Variants in DNAH1 observed in about 807,000 individuals in gnomAD.
DNAH1 encodes dynein axonemal heavy chain 1.
In DNAH1, 327 loss-of-function variants were observed where a neutral mutation model predicts 484.3. The ratio of observed to expected loss-of-function variants is 0.68; its 90% CI spans 0.62 to 0.74. The LOEUF is 0.74. DNAH1 is among the 30% of genes least tolerant of loss of function. DNAH1 has a pLI of 0.00. For synonymous variants in DNAH1, 2,192 were observed against 2,191.9 expected (o/e 1.00, Z 0.00); for missense variants, 5,052 against 5,546.8 (o/e 0.91, Z 2.83).
chr3:52,397,145 A>C (rs976794356), intron 73 of DNAH1, 101 bp downstream of exon 73: 1 of 1,081,572 alleles, frequency 9.2e-7, no homozygotes, highest in Non-Finnish European at 1.3e-6. Context: ...TGCAGCCCCC[A>C]CCCTCCATCA....
intron 8 of DNAH1, among the ~76,000 whole-genome samples, chr3:52,338,360 C>T (rs980032764): frequency 1.2e-4 from 18 of 152,198 alleles, no homozygotes; most frequent in African/African-American, 3.6e-4. Context: ...TCACCCACCT[C>T]GGCCACCCGA....
At chr3:52,348,295 G>C (rs906621279) in intron 12 of DNAH1, among the ~76,000 whole-genome samples, 1 of 152,158 alleles carries the variant, frequency 6.6e-6, no homozygotes, top group Non-Finnish European at 1.5e-5. Flanking sequence ...CTAAGTGTTG[G>C]AACTGCGATC....
Position 52,399,729 on chromosome 3 carries a change from A to G in DNAH1, c.12626A>G (p.Gln4209Arg), listed in dbSNP as rs202094249. 512 of 1,614,022 alleles carry G rather than the reference A, an allele frequency of 3.2e-4. 7 individuals carry two copies. The Admixed American group carries it at 8.4e-3, about 26-fold the overall frequency. The change falls in exon 77 of 78, where the codon CAG becomes CGG. Residue 4209 changes from glutamine to arginine, a missense_variant. Gln to Arg is a conservative substitution (Grantham distance 43, BLOSUM62 1). Around this residue, in one of 4 missense-constraint regions of DNAH1, gnomAD observed 853 missense variants for 899.0 expected, o/e 0.95. Transcript: ENST00000420323. ...TTGCCAACACCCAACCGCAAGGCCC[A>G]GGACCAGGACTTTTACCTGTGCCCC... ...WLLPTPNRKA[Q>R]DQDFYLCPIY...
Position 52,366,507 on chromosome 3 carries a change from G to T in DNAH1, c.5569G>T (p.Gly1857Cys). The change falls in exon 35 of 78, where the codon GGC becomes TGC. Residue 1857 changes from glycine to cysteine, a missense_variant. By Grantham distance (159) the Gly-to-Cys change is radical. Around this residue, in one of 4 missense-constraint regions of DNAH1, gnomAD observed 2,929 missense variants for 3,409.4 expected, o/e 0.86. Coordinates refer to ENST00000420323, the MANE Select transcript of DNAH1 (RefSeq NM_015512.5). ...CTACGAGACCACGGTGGTACGACAC[G>T]GCCTCATGCTCGTCGGGCCCACAGG... ...QLYETTVVRH[G>C]LMLVGPTGSG... The T allele has an allele frequency of 6.2e-7, 1 of 1,603,134 alleles. No individual in the cohort carries two copies. The highest frequency in any genetic ancestry group is 1.1e-5 in the South Asian group (1 of 88,730).
In DNAH1 at chr3:52,383,460, G is replaced by C. The variant is rs534846709; in HGVS notation, c.8016G>C (p.Ala2672=). Residue 2672 remains alanine (A), a synonymous_variant, in exon 51 of 78, where the codon GCG becomes GCC. Coordinates refer to ENST00000420323, the MANE Select transcript of DNAH1 (RefSeq NM_015512.5). The part of the protein sequence containing the change: ...NSGDIPNLYT[A]DEQDQIVSTM... ...GTGACATTCCCAATCTGTATACTGC[G>C]GACGAGCAGGACCAGATCGTCAGCA... 6.2e-7 allele frequency: 1 copy of C among 1,613,878 alleles called. No homozygotes were observed. The highest frequency in any genetic ancestry group is 1.3e-5 in the African/African-American group (1 of 74,930).
At chr3:52,329,260 C>T (rs1701456892) in intron 6 of DNAH1, among the ~76,000 whole-genome samples, 1 of 152,094 alleles carries the variant, frequency 6.6e-6, no homozygotes, top group South Asian at 2.1e-4. Flanking sequence ...GAGGGGTGAG[C>T]AGGGAGAGGC....
chr3:52,322,549 A>G lies in DNAH1; in HGVS notation c.107A>G (p.Tyr36Cys). The change falls in exon 2 of 78, where the codon TAT (tyrosine) becomes TGT (cysteine). Residue 36 changes from tyrosine to cysteine, a missense_variant. This residue lies in a region of DNAH1 where 1,263 missense variants were observed against 1,218.8 expected (regional missense o/e 1.04). Transcript: ENST00000420323. ...GTGGGGACCCACAGGGGCCTAGAGT[A>G]TAACCCGGGGAAGATTCTTCCAGGA... ...VQVGTHRGLE[Y>C]NPGKILPGSD... is the part of the protein sequence containing the mutation. 1.9e-6 allele frequency: 3 copies of G among 1,613,898 alleles called. No individual in the cohort carries two copies. Among genetic ancestry groups the G allele is most frequent in the Non-Finnish European group, 2.5e-6 (3 of 1,179,838 alleles).
Position 52,379,994 on chromosome 3 carries a change from C to A in DNAH1, c.7467C>A (p.Phe2489Leu). ...TGAATGAGGAGGACCGCAGCTGGTT[C>A]GACCAGCTCCTCAAGCGCTGCATGG... ...RLVNEEDRSW[F>L]DQLLKRCMEQ... Residue 2489 changes from phenylalanine (F) to leucine (L), a missense_variant, in exon 48 of 78, where the codon TTC becomes TTA. Around this residue, in one of 4 missense-constraint regions of DNAH1, gnomAD observed 2,929 missense variants for 3,409.4 expected, o/e 0.86. Coordinates refer to ENST00000420323, the MANE Select transcript of DNAH1 (RefSeq NM_015512.5). The surrounding 1 kb of genome is among the most constrained non-coding windows in gnomAD (Gnocchi z 4.4). 6.3e-7 allele frequency: 1 copy of A among 1,589,250 alleles called. No individual in the cohort carries two copies. Among genetic ancestry groups the A allele is most frequent in the Non-Finnish European group, 8.6e-7 (1 of 1,168,040 alleles).
chr3:52,344,526 G>A lies in DNAH1; in HGVS notation c.1323G>A (p.Val441=), dbSNP rs753514714. The change falls in exon 9 of 78, where the codon GTG becomes GTA. Residue 441 remains valine, a synonymous_variant. Coordinates refer to ENST00000420323, the MANE Select transcript of DNAH1 (RefSeq NM_015512.5). ...LEHLSSLARE[V]SLDYERSMNK... ...ACCTCAGCAGTCTTGCCAGAGAAGTGAGCCTGGACTATGAGCGCAGCATGA... is the reference window on the plus strand; with the variant it reads ...ACCTCAGCAGTCTTGCCAGAGAAGTAAGCCTGGACTATGAGCGCAGCATGA... 20 of 1,613,982 alleles carry A rather than the reference G, an allele frequency of 1.2e-5. No homozygotes were observed. Among genetic ancestry groups the A allele is most frequent in the Non-Finnish European group, 1.7e-5 (20 of 1,179,858 alleles).
In DNAH1 at chr3:52,375,995, T is replaced by G. The variant is rs1703580706; in HGVS notation, c.7198+2T>G. ...AAAAAAGCTACCGGGAGCGTGTGCG[T>G]AAGTGTGGGCCTGGGCGGGAATGGG... On this transcript the variant is annotated splice_donor_variant, in intron 46 of 77. Coordinates refer to ENST00000420323, the MANE Select transcript of DNAH1 (RefSeq NM_015512.5). LOFTEE classifies it high-confidence loss of function. The G allele has an allele frequency of 6.2e-7, 1 of 1,611,894 alleles. No homozygotes were observed. The highest frequency in any genetic ancestry group is 1.1e-5 in the South Asian group (1 of 90,770).
In DNAH1 at chr3:52,363,580, C is replaced by T. The variant is rs535944981; in HGVS notation, c.5244+436C>T. Among the ~76,000 whole-genome samples the T allele has an allele frequency of 2.0e-5, 3 of 152,332 alleles. 1 individual carries two copies. The South Asian group carries it at 6.2e-4, about 32-fold the overall frequency. ...GCTTGCTGAGCCCAGATTCCAAGGA[C>T]AGATGGGGTGGCCCAGGCACCAGTG... On this transcript the variant is annotated intron_variant, in intron 32 of 77. Transcript: ENST00000420323.
intron 47 of DNAH1, among the ~76,000 whole-genome samples, 183 bp downstream of exon 47, chr3:52,378,963 A>G (rs1703723019): frequency 6.6e-6 from 1 of 152,230 alleles, no homozygotes. Context: ...AGTTGAACCC[A>G]CACCTGGAAT....
intron 1 of DNAH1, among the ~76,000 whole-genome samples, chr3:52,318,233 A>G (rs1701022585): frequency 6.6e-6 from 1 of 152,176 alleles, no homozygotes; most frequent in African/African-American, 2.4e-5. Context: ...GTGTTTTTGT[A>G]GAGACGGGGT....
chr3:52,385,281 C>A lies in DNAH1; in HGVS notation c.8515-56C>A, dbSNP rs1704050457. 3 of 1,514,830 alleles carry A rather than the reference C, an allele frequency of 2.0e-6. No individual in the cohort carries two copies. In the East Asian group the frequency reaches 7.4e-5, roughly 37 times the overall value. 93.8% of individuals were successfully genotyped at this position (1,514,830 alleles called of 1,614,324 possible). ...ATGAATGAGGGCGGCCCAGCAGGCC[C>A]TGTGCTCTCTCTGTCCCTGCCACAC... On this transcript the variant is annotated intron_variant, in intron 53 of 77. Coordinates refer to ENST00000420323, the MANE Select transcript of DNAH1 (RefSeq NM_015512.5).
chr3:52,357,438 G>T (rs1702658690), intron 22 of DNAH1, among the ~76,000 whole-genome samples, 176 bp from the exon 23 acceptor site: 1 of 151,846 alleles, frequency 6.6e-6, no homozygotes. Flanking sequence ...TTTGACCGTA[G>T]AATTTTTTCT....
intron 9 of DNAH1, 86 bp downstream of exon 9, chr3:52,344,733 C>T (rs963275269): frequency 6.9e-7 from 1 of 1,446,468 alleles, no homozygotes; most frequent in Non-Finnish European, 9.3e-7. Context: ...ATTGTCTGCC[C>T]TGCCATTGTG....
chr3:52,381,779 T>A lies in DNAH1; in HGVS notation c.7748T>A (p.Leu2583His), dbSNP rs1383067040. 1.2e-6 allele frequency: 2 copies of A among 1,606,244 alleles called. No homozygotes were observed. The highest frequency in any genetic ancestry group is 8.5e-7 in the Non-Finnish European group (1 of 1,177,168). Residue 2583 changes from leucine (L) to histidine (H), a missense_variant, in exon 49 of 78, where the codon CTC (leucine) becomes CAC (histidine). Physicochemically the swap from Leu to His is moderately conservative, Grantham distance 99. Transcript: ENST00000420323. This position sits in a 1 kb window ranked among gnomAD's most constrained non-coding sequence, Gnocchi z 4.1. ...RTLRQALGNA[L>H]LLGVGGSGRS... Reference sequence around the variant, plus strand: ...CTACGCCAGGCGCTGGGCAATGCACTCCTGCTGGGCGTGGGTGGCAGCGGC... The same window carrying A: ...CTACGCCAGGCGCTGGGCAATGCACACCTGCTGGGCGTGGGTGGCAGCGGC...
Position 52,352,724 on chromosome 3 carries a change from C to T in DNAH1, c.3027+17C>T. 1 of 1,602,200 alleles carries T rather than the reference C, an allele frequency of 6.2e-7. No individual in the cohort carries two copies. Among genetic ancestry groups the T allele is most frequent in the Non-Finnish European group, 8.5e-7 (1 of 1,171,894 alleles). Reference sequence around the variant, plus strand: ...ATCACCAATGTAGGCCTCCTGCAGGCACCCTGCCCCCATGCCCCCAGGCTT... The same window carrying T: ...ATCACCAATGTAGGCCTCCTGCAGGTACCCTGCCCCCATGCCCCCAGGCTT... On this transcript the variant is annotated intron_variant, in intron 18 of 77. Coordinates refer to ENST00000420323, the MANE Select transcript of DNAH1 (RefSeq NM_015512.5).
chr3:52,366,653 C>G, intron 35 of DNAH1, 80 bp from the exon 36 acceptor site: 2 of 1,550,072 alleles, frequency 1.3e-6, no homozygotes, highest in Non-Finnish European at 1.8e-6. Context: ...GCATAGAATA[C>G]CCCTCCCCCT....
Sources: gnomAD v4.1 joint callset for allele counts (sites outside exome capture counted in the v4.1 genomes callset) on GRCh38, gnomAD v4.1.1 for gene constraint, gnomAD v4.1.1 regional missense constraint, Gnocchi (gnomAD v3.1) non-coding constraint, MANE v1.5 for transcripts, NCBI Gene and HGNC (gene_info 2026-07-23, HGNC 2026-07-21) for gene names.